EYS: variants seen among roughly 807,000 people sequenced by gnomAD.
EYS encodes the protein protein eyes shut homolog.
EYS carries 250 observed loss-of-function variants against 282.1 expected under a neutral mutation model. The ratio of observed to expected loss-of-function variants is 0.89; its 90% CI spans 0.80 to 0.98. The LOEUF is 0.98. EYS is among the 50% of genes least tolerant of loss of function. The pLI, the probability that EYS is intolerant of heterozygous loss-of-function variation, is 0.00. For synonymous variants in EYS, 1,355 were observed against 1,282.9 expected, an observed-to-expected ratio of 1.06 and a Z score of -1.20; for missense variants, 4,016 against 3,709.0, an observed-to-expected ratio of 1.08 and a Z score of -2.15.
intron 12 of EYS, among the ~76,000 whole-genome samples, chr6:65,279,982 A>G (rs1768171750): frequency 1.3e-5 from 2 of 152,176 alleles, no homozygotes; most frequent in Non-Finnish European, 2.9e-5. Context: ...GCTTTCCTAG[A>G]GCATTTTCAG....
chr6:64,351,581 A>T (rs1187778867), intron 29 of EYS, among the ~76,000 whole-genome samples: 1 of 151,494 alleles, frequency 6.6e-6, no homozygotes, highest in African/African-American at 2.4e-5. Context: ...TTAAGAAGAG[A>T]CCCGAGAGCA....
intron 2 of EYS, among the ~76,000 whole-genome samples, chr6:65,585,388 AT>A (rs1765009624): frequency 6.6e-6 from 1 of 151,962 alleles, no homozygotes; most frequent in South Asian, 2.1e-4. Context: ...GACTGAAGGA[AT>A]TTAAGACTTG....
intron 35 of EYS, 112 bp from the exon 36 acceptor site, chr6:63,864,470 C>A: frequency 1.0e-5 from 7 of 702,868 alleles, no homozygotes; most frequent in Non-Finnish European, 1.5e-5. Context: ...ATAATTGCAT[C>A]TTTTCTAATA....
At chr6:64,958,734 C>CAAAAAAAAAAA (rs1167094477) in intron 14 of EYS, among the ~76,000 whole-genome samples, 30 of 51,676 alleles carry the variant, frequency 5.8e-4, no homozygotes, top group Non-Finnish European at 7.0e-4. Context: ...GACTCCGTCT[C>CAAAAAAAAAAA]AAAAAAAAAA....
chr6:65,450,305 T>A (rs1419251361), intron 5 of EYS, among the ~76,000 whole-genome samples: 2 of 152,284 alleles, frequency 1.3e-5, no homozygotes, highest in African/African-American at 4.8e-5. Flanking sequence ...TGAATAAATG[T>A]AACTTTATCC....
chr6:63,815,070 G>A (rs955196902), intron 36 of EYS, among the ~76,000 whole-genome samples: 28 of 152,200 alleles, frequency 1.8e-4, no homozygotes, highest in African/African-American at 6.3e-4. Flanking sequence ...GTGGGTTATC[G>A]CTCAAGTTCC....
At chr6:65,224,825 C>A (rs1049761250) in intron 12 of EYS, among the ~76,000 whole-genome samples, 1 of 151,974 alleles carries the variant, frequency 6.6e-6, no homozygotes, top group Non-Finnish European at 1.5e-5. Context: ...ACAAACTGGA[C>A]AAATTCTTGA....
chr6:64,153,387 T>C (rs1328454647), intron 31 of EYS, among the ~76,000 whole-genome samples: 2 of 151,884 alleles, frequency 1.3e-5, no homozygotes, highest in African/African-American at 4.8e-5. Context: ...ATTTAAGGAA[T>C]ATGGAAGGCC....
chr6:64,053,557 G>A (rs1770883644), intron 33 of EYS, among the ~76,000 whole-genome samples: 1 of 152,110 alleles, frequency 6.6e-6, no homozygotes, highest in Non-Finnish European at 1.5e-5. Context: ...TCTGGCTTAT[G>A]TGCCTCAATG....
chr6:64,775,277 A>G (rs1446044198), intron 22 of EYS, among the ~76,000 whole-genome samples: 1 of 152,086 alleles, frequency 6.6e-6, no homozygotes, highest in Non-Finnish European at 1.5e-5. Context: ...GCAAGGCCAC[A>G]TCCAGCCATT....
At chr6:64,225,774 T>C (rs1220390544) in intron 31 of EYS, among the ~76,000 whole-genome samples, 4 of 152,080 alleles carry the variant, frequency 2.6e-5, no homozygotes, top group African/African-American at 9.7e-5. Flanking sequence ...TAGTAGTTCA[T>C]AGTGAAGAGC....
chr6:65,250,427 C>T (rs984363300), intron 12 of EYS, among the ~76,000 whole-genome samples: 3 of 151,940 alleles, frequency 2.0e-5, no homozygotes, highest in Non-Finnish European at 2.9e-5. Context: ...ATTTATGAGG[C>T]AGCTCCTGTA....
chr6:63,912,093 C>G (rs1288401387), intron 35 of EYS, among the ~76,000 whole-genome samples: 5 of 152,190 alleles, frequency 3.3e-5, no homozygotes, highest in Non-Finnish European at 5.9e-5. Flanking sequence ...TTAGATCTGT[C>G]TCTCGGGATT....
chr6:65,177,026 A>G (rs1176479140), intron 12 of EYS, among the ~76,000 whole-genome samples: 1 of 151,770 alleles, frequency 6.6e-6, no homozygotes, highest in Non-Finnish European at 1.5e-5. Flanking sequence ...TTTCCAAATC[A>G]TTACTTATTT....
chr6:64,388,163 C>G (rs1196824485), intron 29 of EYS, among the ~76,000 whole-genome samples: 2 of 152,012 alleles, frequency 1.3e-5, no homozygotes, highest in African/African-American at 4.8e-5. Context: ...AGCTATTTTC[C>G]TTAAATATAG....
chr6:64,632,601 A>C (rs187886192), intron 22 of EYS, among the ~76,000 whole-genome samples: 34 of 152,402 alleles, frequency 2.2e-4, no homozygotes, highest in African/African-American at 7.7e-4. Context: ...ATATACCAGA[A>C]TATCTAACTG....
chr6:65,693,991 C>G (rs1769341011), intron 1 of EYS, among the ~76,000 whole-genome samples: 1 of 150,030 alleles, frequency 6.7e-6, no homozygotes, highest in Non-Finnish European at 1.5e-5. Flanking sequence ...ATACAGAACC[C>G]CCACAAGGAG....
At chr6:65,197,135 T>C (rs1206778775) in intron 12 of EYS, among the ~76,000 whole-genome samples, 1 of 152,096 alleles carries the variant, frequency 6.6e-6, no homozygotes, top group Non-Finnish European at 1.5e-5. Context: ...AGAGGCAGAA[T>C]ACAGGACGGT....
chr6:64,459,146 T>C (rs1023211185), intron 26 of EYS, among the ~76,000 whole-genome samples: 1 of 152,196 alleles, frequency 6.6e-6, no homozygotes, highest in African/African-American at 2.4e-5. Context: ...ATTAAACTCA[T>C]AGCAAGTTCA....
Sources: gnomAD v4.1 joint callset for allele counts (sites outside exome capture counted in the v4.1 genomes callset) on GRCh38, gnomAD v4.1.1 for gene constraint, MANE v1.5 for transcripts, NCBI Gene and HGNC (gene_info 2026-07-23, HGNC 2026-07-21) for gene names.